HDAC9: variants seen among roughly 807,000 people sequenced by gnomAD.
HDAC9 encodes histone deacetylase 9, also known as MEF-2 interacting transcription repressor (MITR) protein.
HDAC9 carries 41 observed loss-of-function variants against 139.4 expected under a neutral mutation model. The ratio of observed to expected loss-of-function variants is 0.29; its 90% CI spans 0.23 to 0.38. The LOEUF is 0.38. Among genes scored for constraint, HDAC9 ranks in the 10% least tolerant of loss-of-function variants. HDAC9 has a pLI of 1.00. For missense variants in HDAC9, 1,147 were observed against 1,297.0 expected, an observed-to-expected ratio of 0.88 and a Z score of 1.78; for synonymous variants, 517 against 476.2, an observed-to-expected ratio of 1.09 and a Z score of -1.12.
intron 1 of HDAC9, among the ~76,000 whole-genome samples, chr7:18,316,111 T>C (rs1324259180): frequency 6.6e-6 from 1 of 152,192 alleles, no homozygotes; most frequent in African/African-American, 2.4e-5. Context: ...TGTGAAGTCA[T>C]CTGGAGATCT....
At chr7:18,710,828 G>A (rs541766782) in intron 12 of HDAC9, among the ~76,000 whole-genome samples, 1 of 152,264 alleles carries the variant, frequency 6.6e-6, no homozygotes, top group South Asian at 2.1e-4. Context: ...AGAACATTTT[G>A]TTGCTTTATT....
chr7:18,625,145 T>C (rs1279252316), intron 6 of HDAC9, among the ~76,000 whole-genome samples: 2 of 152,202 alleles, frequency 1.3e-5, no homozygotes, highest in African/African-American at 4.8e-5. Flanking sequence ...CCTAGTGTTA[T>C]TATTTTTAGA....
At chr7:18,788,460 A>C (rs1249926618) in intron 16 of HDAC9, among the ~76,000 whole-genome samples, 1 of 152,178 alleles carries the variant, frequency 6.6e-6, no homozygotes, top group Non-Finnish European at 1.5e-5. Flanking sequence ...GACTTCAAAA[A>C]GTCCCAAATA....
At chr7:18,126,513 A>G (rs1013703471) in intron 1 of HDAC9, among the ~76,000 whole-genome samples, 8 of 152,296 alleles carry the variant, frequency 5.3e-5, no homozygotes, top group African/African-American at 1.9e-4. Context: ...TTAAGGAAGC[A>G]TGTGATTTGT....
intron 22 of HDAC9, among the ~76,000 whole-genome samples, chr7:18,935,285 A>G (rs974823563): frequency 3.9e-5 from 6 of 152,294 alleles, no homozygotes; most frequent in African/African-American, 1.4e-4. Context: ...GCATTTATCA[A>G]ATGTTTCATA....
intron 1 of HDAC9, among the ~76,000 whole-genome samples, chr7:18,380,466 A>G (rs1163137945): frequency 6.6e-6 from 1 of 152,224 alleles, no homozygotes; most frequent in Non-Finnish European, 1.5e-5. Context: ...CCAAAGCATT[A>G]CTTGTTATAA....
At chr7:18,155,159 G>A (rs1476306620) in intron 1 of HDAC9, among the ~76,000 whole-genome samples, 2 of 150,812 alleles carry the variant, frequency 1.3e-5, no homozygotes, top group African/African-American at 4.9e-5. Context: ...GCAGTTTCTG[G>A]GCATTGTGAG....
At chr7:18,179,479 G>A (rs557377286) in intron 2 of HDAC9, among the ~76,000 whole-genome samples, 1 of 152,210 alleles carries the variant, frequency 6.6e-6, no homozygotes, top group Admixed American at 6.5e-5. Flanking sequence ...TCCTGTTGGG[G>A]TTCTATGTTC....
chr7:18,297,110 G>A lies in HDAC9; in HGVS notation c.-42+6595G>A, dbSNP rs190333078. On this transcript the variant is annotated intron_variant, in intron 1 of 3. Coordinates refer to the HDAC9 transcript ENST00000413509. ...AGGTGAAGATTTGAGAAACTTCCGT[G>A]TAGGTACGAGTTGAAGCCACATGAA... is the stretch of plus-strand genomic sequence containing the variant. Among the ~76,000 whole-genome samples, 30 of 152,272 alleles carry A rather than the reference G, an allele frequency of 2.0e-4. 1 individual carries two copies. The highest frequency in any genetic ancestry group is 1.2e-3 in the Admixed American group (19 of 15,298).
At chr7:18,990,276 C>G (rs1489059926) in intron 25 of HDAC9, among the ~76,000 whole-genome samples, 2 of 152,152 alleles carry the variant, frequency 1.3e-5, no homozygotes, top group Non-Finnish European at 2.9e-5. Flanking sequence ...AGACAGGACC[C>G]TCAGCTGCAG....
At chr7:18,993,974 T>C (rs1225920550) in intron 25 of HDAC9, among the ~76,000 whole-genome samples, 2 of 152,162 alleles carry the variant, frequency 1.3e-5, no homozygotes, top group African/African-American at 4.8e-5. Context: ...ATGGAAAGCT[T>C]TCTATTGTAC....
At chr7:18,563,730 C>T (rs1363705046) in intron 2 of HDAC9, among the ~76,000 whole-genome samples, 1 of 151,952 alleles carries the variant, frequency 6.6e-6, no homozygotes, top group East Asian at 1.9e-4. Flanking sequence ...ACCCAACCCC[C>T]CCCATGAACT....
intron 21 of HDAC9, among the ~76,000 whole-genome samples, chr7:18,859,856 A>ATGTGTGTGTGTGTGTGTGTGTGTGTGTG (rs34279083): frequency 8.5e-6 from 1 of 117,252 alleles, no homozygotes; most frequent in South Asian, 2.8e-4. Context: ...ATATATATAT[A>ATGTGTGTGTGTGTGTGTGTGTGTGTGTG]TATGTGAGAG....
chr7:18,769,017 T>C (rs898583336), intron 16 of HDAC9, among the ~76,000 whole-genome samples: 8 of 152,164 alleles, frequency 5.3e-5, no homozygotes, highest in Admixed American at 6.5e-5. Context: ...TAAGCCATGA[T>C]GTTTGGTAAG....
At chr7:18,274,149 T>C (rs976500717) in intron 2 of HDAC9, among the ~76,000 whole-genome samples, 1 of 152,210 alleles carries the variant, frequency 6.6e-6, no homozygotes, top group Non-Finnish European at 1.5e-5. Context: ...TTGTTCATAA[T>C]ATTAAAAAAA....
chr7:18,395,590 C>G (rs1786953048), intron 1 of HDAC9, among the ~76,000 whole-genome samples: 1 of 148,164 alleles, frequency 6.7e-6, no homozygotes, highest in Non-Finnish European at 1.5e-5. Flanking sequence ...GGAGAGAATT[C>G]TTTGTTAGAG....
At chr7:18,962,793 A>G (rs957340531) in intron 24 of HDAC9, among the ~76,000 whole-genome samples, 46 of 152,154 alleles carry the variant, frequency 3.0e-4, no homozygotes, top group African/African-American at 1.1e-3. Flanking sequence ...ATTTACATAT[A>G]TTATCTCTAG....
rs1807123507 is a variant in HDAC9, at chr7:18,526,886, TGTTCTGTCTA to T, written c.22+30565_22+30574del. On this transcript the variant is annotated intron_variant, in intron 2 of 25. Transcript: ENST00000686413. Reference sequence around the variant, plus strand: ...GGGTCTTAGGTTGAGCTTTAAAAAATGTTCTGTCTAGTCAATAAGAAATTCAGAGACAATG... The same window carrying T: ...GGGTCTTAGGTTGAGCTTTAAAAAATGTCAATAAGAAATTCAGAGACAATG... Among the ~76,000 whole-genome samples, 3 of 152,128 alleles carry T rather than the reference TGTTCTGTCTA, an allele frequency of 2.0e-5. No individual in the cohort carries two copies. The South Asian group carries it at 6.2e-4, about 31-fold the overall frequency.
chr7:18,611,718 C>G lies in HDAC9; in HGVS notation c.665-17632C>G, dbSNP rs1204634907. Among the ~76,000 whole-genome samples, 3 of 152,118 alleles carry G rather than the reference C, an allele frequency of 2.0e-5. No homozygotes were observed. In the East Asian group the frequency reaches 5.8e-4, roughly 29 times the overall value. On this transcript the variant is annotated intron_variant, in intron 6 of 25. Coordinates refer to ENST00000686413, the MANE Select transcript of HDAC9 (RefSeq NM_178425.4). ...AAATTAAGTACCATGTAGCATCTATCCTGATAAAAGTAGTGACTTATAACA... is the reference window on the plus strand; with the variant it reads ...AAATTAAGTACCATGTAGCATCTATGCTGATAAAAGTAGTGACTTATAACA...
Sources: gnomAD v4.1 joint callset for allele counts (sites outside exome capture counted in the v4.1 genomes callset) on GRCh38, gnomAD v4.1.1 for gene constraint, MANE v1.5 for transcripts, NCBI Gene and HGNC (gene_info 2026-07-23, HGNC 2026-07-21) for gene names.